The following GRK6 variants were observed in gnomAD, a reference collection of about 807,000 sequenced individuals.
The protein encoded by GRK6 is G protein-coupled receptor kinase 6.
A neutral mutation model predicts 80.8 loss-of-function variants in GRK6; 37 were observed. The ratio of observed to expected loss-of-function variants is 0.46; its 90% CI spans 0.35 to 0.60. GRK6 has a LOEUF of 0.60. Ranked by LOEUF, GRK6 falls within the 20% of genes least tolerant of loss-of-function variation. The pLI is 0.00. For missense variants in GRK6, 560 were observed against 784.6 expected, an observed-to-expected ratio of 0.71 and a Z score of 3.42; for synonymous variants, 295 against 320.9, an observed-to-expected ratio of 0.92 and a Z score of 0.86.
In GRK6 at chr5:177,436,163, C is replaced by T. The variant is rs1161861827; in HGVS notation, c.1148C>T (p.Ser383Leu). The change falls in exon 12 of 16, where the codon TCG (serine) becomes TTG (leucine). Residue 383 changes from serine (S) to leucine (L), a missense_variant. Physicochemically the swap from Ser to Leu is moderately radical, Grantham distance 145. Transcript: ENST00000355472. ...CTGTACGAGATGATCGCAGGCCAGTCGCCCTTCCAGCAGAGGAAGAAGAAG... is the reference window on the plus strand; with the variant it reads ...CTGTACGAGATGATCGCAGGCCAGTTGCCCTTCCAGCAGAGGAAGAAGAAG... ...CLLYEMIAGQ[S>L]PFQQRKKKIK... 3.7e-6 allele frequency: 6 copies of T among 1,614,144 alleles called. No individual in the cohort carries two copies. The highest frequency in any genetic ancestry group is 3.3e-5 in the Admixed American group (2 of 60,034).
chr5:177,434,250 A>G, intron 9 of GRK6, 146 bp downstream of exon 9: 1 of 824,894 alleles, frequency 1.2e-6, no homozygotes, highest in Non-Finnish European at 1.8e-6. Flanking sequence ...CTTAACTCAC[A>G]CGCCAGGCCA....
chr5:177,438,236 C>T (rs1287020839), intron 13 of GRK6, among the ~76,000 whole-genome samples: 3 of 152,010 alleles, frequency 2.0e-5, no homozygotes, highest in African/African-American at 4.8e-5. Flanking sequence ...GGCATGGTGG[C>T]GCATGCCTGT....
chr5:177,437,717 C>G (rs932375189), intron 13 of GRK6, among the ~76,000 whole-genome samples: 1 of 152,250 alleles, frequency 6.6e-6, no homozygotes, highest in Non-Finnish European at 1.5e-5. Flanking sequence ...CCTGTTGACT[C>G]TTTCCCTCCC....
At chr5:177,427,675 G>A (rs1246058048) in intron 1 of GRK6, among the ~76,000 whole-genome samples, 2 of 152,230 alleles carry the variant, frequency 1.3e-5, no homozygotes, top group East Asian at 3.9e-4. Context: ...CTGCCTTGTG[G>A]TCAGTCTGCC....
Position 177,430,020 on chromosome 5 carries a change from AG to A in GRK6, c.53-851del, listed in dbSNP as rs1398312062. ...TGACACATTTTATTTGGCTGCAGTG[AG>A]TTTTTTTTTTTTTTTAAACAAAATG... On this transcript the variant is annotated intron_variant, in intron 1 of 15. Coordinates refer to ENST00000355472, the MANE Select transcript of GRK6 (RefSeq NM_001004106.3). 1.8e-3 allele frequency among the ~76,000 whole-genome samples: 206 copies of A among 115,374 alleles called. 2 individuals are homozygous for A. Among genetic ancestry groups the A allele is most frequent in the African/African-American group, 6.3e-3 (185 of 29,246 alleles). The allele number at this position is 115,374 out of a possible 152,430, so 75.7% of individuals were successfully genotyped here.
intron 11 of GRK6, among the ~76,000 whole-genome samples, chr5:177,435,533 G>A (rs369104676): frequency 3.3e-5 from 5 of 152,316 alleles, no homozygotes; most frequent in East Asian, 3.9e-4. Flanking sequence ...TGCAGGCTCC[G>A]CCTCTTGCCG....
rs747257701 is a variant in GRK6, at chr5:177,441,726, C to T, written c.1678-11C>T. On this transcript the variant is annotated splice_polypyrimidine_tract_variant and intron_variant, in intron 15 of 15. Transcript: ENST00000355472. ...TCTCTCCCTCCCTCCGTGTCTTCCC[C>T]GTCCCTCCAGGATTGCTGTGGAAAC... is the stretch of plus-strand genomic sequence containing the variant. 18 of 1,606,768 alleles carry T rather than the reference C, an allele frequency of 1.1e-5. No individual in the cohort carries two copies. Among genetic ancestry groups the T allele is most frequent in the Middle Eastern group, 1.6e-4 (1 of 6,078 alleles).
At chr5:177,440,464 C>T (rs1213100166) in intron 13 of GRK6, among the ~76,000 whole-genome samples, 2 of 152,228 alleles carry the variant, frequency 1.3e-5, no homozygotes, top group Non-Finnish European at 2.9e-5. Flanking sequence ...TTTACACAGC[C>T]TCACAGTCAT....
At chr5:177,441,075 C>T in intron 15 of GRK6, 22 bp downstream of exon 15, 6 of 1,611,800 alleles carry the variant, frequency 3.7e-6, no homozygotes, top group Non-Finnish European at 5.1e-6. Flanking sequence ...CAGCGGCCTA[C>T]CTGGGCCCCT....
chr5:177,432,119 C>T lies in GRK6; in HGVS notation c.261+12C>T. The T allele has an allele frequency of 6.2e-7, 1 of 1,607,922 alleles. No individual in the cohort carries two copies. The highest frequency in any genetic ancestry group is 8.5e-7 in the Non-Finnish European group (1 of 1,176,210). ...TCCTGGATGGGGTGGTGAGTGCAGCCCAGCCCTGCCCAGCCCCGCGGGTGG... is the reference window on the plus strand; with the variant it reads ...TCCTGGATGGGGTGGTGAGTGCAGCTCAGCCCTGCCCAGCCCCGCGGGTGG... On this transcript the variant is annotated intron_variant, in intron 3 of 15. Coordinates refer to ENST00000355472, the MANE Select transcript of GRK6 (RefSeq NM_001004106.3).
chr5:177,435,933 T>C, intron 11 of GRK6, 140 bp from the exon 12 acceptor site: 1 of 680,962 alleles, frequency 1.5e-6, no homozygotes. Flanking sequence ...TGATGGGGCC[T>C]GTGCTCTCCT....
In GRK6 at chr5:177,433,161, A is replaced by T; in HGVS notation, c.455A>T (p.Tyr152Phe). Residue 152 changes from tyrosine to phenylalanine, a missense_variant, in exon 6 of 16, where the codon TAC becomes TTC. Around this residue, in one of 3 missense-constraint regions of GRK6, gnomAD observed 189 missense variants for 230.2 expected, o/e 0.82. Transcript: ENST00000355472. ...FQELTRLTHE[Y>F]LSVAPFADYL... Reference sequence around the variant, plus strand: ...TTCCTCAACAGGCTGACCCACGAGTACCTGAGCGTGGCCCCTTTTGCCGAC... The same window carrying T: ...TTCCTCAACAGGCTGACCCACGAGTTCCTGAGCGTGGCCCCTTTTGCCGAC... The T allele has an allele frequency of 6.2e-7, 1 of 1,613,930 alleles. No individual in the cohort carries two copies. The highest frequency in any genetic ancestry group is 8.5e-7 in the Non-Finnish European group (1 of 1,179,970).
rs1366745471 is a variant in GRK6, at chr5:177,442,889, C to G, written c.*1099C>G. ...CTGTGTGAATAGTCCGAGCACAAAC[C>G]TGGCTAGCCGCCCCTGCCTGCCTCT... On this transcript the variant is annotated 3_prime_UTR_variant, in exon 16 of 16. Transcript: ENST00000355472. 1 of 152,268 alleles carries G rather than the reference C, an allele frequency of 6.6e-6. No homozygotes were observed. Among genetic ancestry groups the G allele is most frequent in the East Asian group, 1.9e-4 (1 of 5,200 alleles). 9.4% of individuals were successfully genotyped at this position (152,268 alleles called of 1,614,324 possible).
At position 177,441,782 on chromosome 5, in the gene GRK6, C is replaced by A; in HGVS notation, c.1723C>A (p.Arg575Ser). 6.2e-7 allele frequency: 1 copy of A among 1,612,604 alleles called. No individual in the cohort carries two copies. The highest frequency in any genetic ancestry group is 8.5e-7 in the Non-Finnish European group (1 of 1,179,280). Residue 575 changes from arginine to serine, a missense_variant, in exon 16 of 16, where the codon CGC becomes AGC. Physicochemically the swap from Arg to Ser is moderately radical, Grantham distance 110. This residue lies in a region of GRK6 where 294 missense variants were observed against 397.4 expected (regional missense o/e 0.74). Transcript: ENST00000355472. ...CSDSEEELPT[R>S]L ...CGACAGCGAGGAAGAGCTCCCCACC[C>A]GCCTCTAGCCCCCAGCCCGAGGCCC...
intron 2 of GRK6, chr5:177,431,702 A>ACG: frequency 2.2e-6 from 1 of 453,412 alleles, no homozygotes; most frequent in East Asian, 4.7e-5. Context: ...ACCGTGACAT[A>ACG]CGCAAGTCGT....
intron 15 of GRK6, 26 bp from the exon 16 acceptor site, chr5:177,441,711 C>A (rs756130129): frequency 6.3e-7 from 1 of 1,580,022 alleles, no homozygotes; most frequent in South Asian, 1.1e-5. Context: ...TCTCTCCCTC[C>A]CTCCGTGTCT....
intron 2 of GRK6, 69 bp from the exon 3 acceptor site, chr5:177,431,926 G>GGT (rs1332718146): frequency 4.4e-6 from 6 of 1,363,550 alleles, no homozygotes; most frequent in Non-Finnish European, 6.3e-6. Context: ...AGGGCCTGGT[G>GGT]GTGTGGGCAC....
intron 8 of GRK6, 91 bp downstream of exon 8, chr5:177,433,767 G>A: frequency 6.5e-7 from 1 of 1,549,192 alleles, no homozygotes; most frequent in Non-Finnish European, 8.8e-7. Flanking sequence ...CATGTGGGAT[G>A]CCAGGAAGGG....
intron 7 of GRK6, 22 bp from the exon 8 acceptor site, chr5:177,433,514 G>A (rs369541977): frequency 4.4e-5 from 71 of 1,613,638 alleles, no homozygotes; most frequent in African/African-American, 4.0e-4. Flanking sequence ...GCCCCCATTC[G>A]CCCCTGTCTG....
Sources: gnomAD v4.1 joint callset for allele counts (sites outside exome capture counted in the v4.1 genomes callset) on GRCh38, gnomAD v4.1.1 for gene constraint, gnomAD v4.1.1 regional missense constraint, MANE v1.5 for transcripts, NCBI Gene and HGNC (gene_info 2026-07-23, HGNC 2026-07-21) for gene names.